ISM1: variants seen among roughly 807,000 people sequenced by gnomAD.
ISM1 encodes the protein isthmin-1.
In ISM1, 25 loss-of-function variants were observed where a neutral mutation model predicts 46.3. The ratio of observed to expected loss-of-function variants is 0.54; its 90% CI spans 0.39 to 0.75. The LOEUF is 0.75. Among genes scored for constraint, ISM1 ranks in the 30% least tolerant of loss-of-function variants. The pLI is 0.00. For synonymous variants in ISM1, 255 were observed against 256.7 expected (o/e 0.99, Z 0.06); for missense variants, 536 against 625.4 (o/e 0.86, Z 1.52).
chr20:13,274,739 C>G (rs2123266178), intron 2 of ISM1, among the ~76,000 whole-genome samples: 1 of 151,320 alleles, frequency 6.6e-6, no homozygotes, highest in Middle Eastern at 3.4e-3. Context: ...AGCCCCAACA[C>G]CTGCTTCTGC....
the ISM1 span, among the ~76,000 whole-genome samples, chr20:13,323,067 C>T: frequency 2.6e-5 from 4 of 151,990 alleles, no homozygotes; most frequent in African/African-American, 7.3e-5. Context: ...AAGACACCAC[C>T]CAGGCATTGT....
At chr20:13,235,927 C>CTT (rs72361165) in intron 1 of ISM1, among the ~76,000 whole-genome samples, 36,752 of 148,316 alleles carry the variant, frequency 0.25, 4,734 homozygotes, top group African/African-American at 0.33. Context: ...TTGTACTTCC[C>CTT]TTTTTTCTTT....
chr20:13,234,074 G>C lies in ISM1; in HGVS notation c.138+12160G>C, dbSNP rs375841149. On this transcript the variant is annotated intron_variant, in intron 1 of 5. Coordinates refer to ENST00000262487, the MANE Select transcript of ISM1 (RefSeq NM_080826.2). The stretch of plus-strand genomic sequence containing the variant: ...TTTTAGTGTACTCATCACCTGAGTA[G>C]TGAATATTGTACCCAGTGAGTAATT... 1.3e-4 allele frequency among the ~76,000 whole-genome samples: 20 copies of C among 152,284 alleles called. No homozygotes were observed. The South Asian group carries it at 4.1e-3, about 32-fold the overall frequency.
In ISM1 at chr20:13,268,944, T is replaced by C. The variant is rs539899657; in HGVS notation, c.139-1560T>C. Among the ~76,000 whole-genome samples the C allele has an allele frequency of 6.5e-4, 99 of 152,084 alleles. 3 individuals are homozygous for C. The South Asian group carries it at 0.011, about 16-fold the overall frequency. On this transcript the variant is annotated intron_variant, in intron 1 of 5. Coordinates refer to ENST00000262487, the MANE Select transcript of ISM1 (RefSeq NM_080826.2). Reference sequence around the variant, plus strand: ...AATGACACATAAATAAAAGTAAAAATAATAATCCCTTCCCTAAGGTTAGCT... The same window carrying C: ...AATGACACATAAATAAAAGTAAAAACAATAATCCCTTCCCTAAGGTTAGCT...
chr20:13,320,212 G>A, the ISM1 span, among the ~76,000 whole-genome samples: 7 of 152,186 alleles, frequency 4.6e-5, no homozygotes, highest in Admixed American at 3.9e-4. Flanking sequence ...TTTTTCCCTG[G>A]AACTAAGACT....
At chr20:13,281,248 A>T (rs2123286506) in intron 3 of ISM1, among the ~76,000 whole-genome samples, 1 of 152,326 alleles carries the variant, frequency 6.6e-6, no homozygotes, top group Middle Eastern at 3.4e-3. Context: ...GGAGAAAATT[A>T]ACCAACAGAG....
At chr20:13,265,145 A>G (rs1477549703) in intron 1 of ISM1, among the ~76,000 whole-genome samples, 12 of 152,138 alleles carry the variant, frequency 7.9e-5, no homozygotes. Context: ...AACCCTTTGG[A>G]TCTATAAACC....
At chr20:13,261,425 CAAA>C (rs61066966) in intron 1 of ISM1, among the ~76,000 whole-genome samples, 1 of 105,226 alleles carries the variant, frequency 9.5e-6, no homozygotes. Flanking sequence ...AACTCTGTCT[CAAA>C]AAAAAAAAAA....
At chr20:13,221,954 G>A in intron 1 of ISM1, 40 bp downstream of exon 1, 1 of 1,307,362 alleles carries the variant, frequency 7.6e-7, no homozygotes, top group Non-Finnish European at 9.7e-7. Flanking sequence ...CGGCTGCGGG[G>A]ACGGTTTGTG....
chr20:13,239,042 T>A (rs540213341), intron 1 of ISM1: 1 of 152,260 alleles, frequency 6.6e-6, no homozygotes, highest in Admixed American at 6.5e-5. Context: ...TGGCACAACA[T>A]GCAATTCCGA....
chr20:13,311,246 T>C, the ISM1 span, among the ~76,000 whole-genome samples: 3 of 106,744 alleles, frequency 2.8e-5, no homozygotes, highest in Admixed American at 1.8e-4. Context: ...AGATAGATGA[T>C]AGATAGATAG....
chr20:13,226,761 G>C (rs1471483799), intron 1 of ISM1, among the ~76,000 whole-genome samples: 1 of 152,192 alleles, frequency 6.6e-6, no homozygotes, highest in Non-Finnish European at 1.5e-5. Flanking sequence ...AGCAGCAAGA[G>C]AATAAAAGCA....
intron 2 of ISM1, among the ~76,000 whole-genome samples, chr20:13,275,552 C>T (rs1263618911): frequency 1.3e-5 from 2 of 152,170 alleles, no homozygotes; most frequent in Non-Finnish European, 2.9e-5. Context: ...CAGACTTGAC[C>T]TCCGTAGCCC....
downstream of ISM1, among the ~76,000 whole-genome samples, chr20:13,301,636 G>A (rs986391941): frequency 2.0e-5 from 3 of 152,150 alleles, no homozygotes; most frequent in African/African-American, 7.2e-5. Context: ...TGAACTAGTA[G>A]GAAGAGAATC....
intron 5 of ISM1, among the ~76,000 whole-genome samples, chr20:13,295,484 C>A (rs2040398275): frequency 6.6e-6 from 1 of 152,188 alleles, no homozygotes; most frequent in South Asian, 2.1e-4. Context: ...TCCTGCATAA[C>A]CTTAGTTTGC....
chr20:13,285,869 G>C (rs1600553683), intron 3 of ISM1, among the ~76,000 whole-genome samples: 9 of 152,198 alleles, frequency 5.9e-5, no homozygotes, highest in Admixed American at 5.2e-4. Flanking sequence ...TCAAAGTTCA[G>C]GGGTGATGTC....
chr20:13,309,231 A>C, the ISM1 span, among the ~76,000 whole-genome samples: 1 of 152,122 alleles, frequency 6.6e-6, no homozygotes, highest in South Asian at 2.1e-4. Flanking sequence ...CTCTGAGATG[A>C]ATGACAGTGA....
chr20:13,275,193 T>C (rs1568682165), intron 2 of ISM1, among the ~76,000 whole-genome samples: 1 of 150,940 alleles, frequency 6.6e-6, no homozygotes, highest in Non-Finnish European at 1.5e-5. Context: ...TTTTCTCCCA[T>C]TAAGACGGAC....
At chr20:13,259,125 A>G (rs1430276474) in intron 1 of ISM1, among the ~76,000 whole-genome samples, 1 of 152,114 alleles carries the variant, frequency 6.6e-6, no homozygotes, top group Non-Finnish European at 1.5e-5. Context: ...TCTACTAAAA[A>G]TACAAAAATT....
Sources: gnomAD v4.1 joint callset for allele counts (sites outside exome capture counted in the v4.1 genomes callset) on GRCh38, gnomAD v4.1.1 for gene constraint, MANE v1.5 for transcripts, NCBI Gene and HGNC (gene_info 2026-07-23, HGNC 2026-07-21) for gene names.